Variants in THRB observed in about 807,000 individuals in gnomAD.
The protein encoded by THRB is nuclear receptor subfamily 1 group A member 2.
Under a neutral mutation model 47.8 loss-of-function variants are expected in THRB, and 12 were observed. The ratio of observed to expected loss-of-function variants is 0.25; its 90% confidence interval spans 0.16 to 0.41. The LOEUF (loss-of-function observed/expected upper bound fraction) is 0.41, where lower values mean the gene tolerates loss of function less well. Among genes scored for constraint, THRB ranks in the 10% least tolerant of loss-of-function variants. The probability of loss-of-function intolerance (pLI) is 1.00; values close to 1 mark genes in which losing one functional copy is unlikely to be tolerated. For missense variants in THRB, 348 were observed against 589.2 expected (o/e 0.59, Z 4.24); for synonymous variants, 218 against 212.2 (o/e 1.03, Z -0.24).
intron 1 of THRB, among the ~76,000 whole-genome samples, chr3:24,435,445 T>C (rs886425135): frequency 6.6e-5 from 10 of 152,080 alleles, no homozygotes; most frequent in African/African-American, 2.4e-4. Context: ...AATGTGGCAA[T>C]ATGGTCCGGT....
chr3:24,484,813 C>T (rs919627340), intron 1 of THRB, among the ~76,000 whole-genome samples: 2 of 152,146 alleles, frequency 1.3e-5, no homozygotes, highest in Non-Finnish European at 2.9e-5. Flanking sequence ...ATAATGTTTG[C>T]CAACCCCTGG....
chr3:24,445,764 G>C (rs2072013264), intron 1 of THRB, among the ~76,000 whole-genome samples: 1 of 151,986 alleles, frequency 6.6e-6, no homozygotes. Context: ...CTGTCCAATA[G>C]AAACAATTAA....
chr3:24,462,393 A>T (rs2073786832), intron 1 of THRB, among the ~76,000 whole-genome samples: 1 of 152,252 alleles, frequency 6.6e-6, no homozygotes, highest in South Asian at 2.1e-4. Context: ...CTATGAGAAG[A>T]AGATGAGTTT....
intron 2 of THRB, among the ~76,000 whole-genome samples, chr3:24,311,556 A>G (rs2057760685): frequency 1.3e-5 from 2 of 152,116 alleles, no homozygotes; most frequent in Admixed American, 1.3e-4. Context: ...ATCTTTCCCT[A>G]AGCCCCTTTT....
intron 1 of THRB, among the ~76,000 whole-genome samples, chr3:24,452,438 T>C (rs1353829043): frequency 6.6e-6 from 1 of 152,036 alleles, no homozygotes; most frequent in Non-Finnish European, 1.5e-5. Flanking sequence ...CTGGTGGAGA[T>C]GCTTACAGCA....
At chr3:24,409,632 T>C (rs1396780864) in intron 1 of THRB, among the ~76,000 whole-genome samples, 1 of 151,824 alleles carries the variant, frequency 6.6e-6, no homozygotes, top group East Asian at 2.0e-4. Context: ...TCCATGAAAG[T>C]GCTTAGCACA....
intron 4 of THRB, among the ~76,000 whole-genome samples, chr3:24,198,017 G>A (rs1432667747): frequency 2.6e-5 from 4 of 152,196 alleles, no homozygotes; most frequent in African/African-American, 9.7e-5. Context: ...CATCTGGGAT[G>A]GGGTGAGCTG....
At chr3:24,321,565 G>T (rs552580634) in intron 2 of THRB, among the ~76,000 whole-genome samples, 1 of 152,160 alleles carries the variant, frequency 6.6e-6, no homozygotes, top group East Asian at 1.9e-4. Context: ...CCTCAGGAGG[G>T]TCTAAGACGG....
At chr3:24,255,776 G>A (rs574183757) in intron 3 of THRB, among the ~76,000 whole-genome samples, 7 of 152,338 alleles carry the variant, frequency 4.6e-5, no homozygotes, top group African/African-American at 9.6e-5. Flanking sequence ...GAGACTGGCC[G>A]GGCAGGGCCT....
intron 1 of THRB, among the ~76,000 whole-genome samples, chr3:24,369,057 A>G (rs891118777): frequency 1.3e-5 from 2 of 152,074 alleles, no homozygotes; most frequent in South Asian, 2.1e-4. Context: ...TTTTGAGATG[A>G]GGTCTCACTA....
At chr3:24,268,198 G>C (rs1057408818) in intron 3 of THRB, among the ~76,000 whole-genome samples, 1 of 151,986 alleles carries the variant, frequency 6.6e-6, no homozygotes, top group Non-Finnish European at 1.5e-5. Context: ...ACCCCTCAGT[G>C]ATTCTTGAAA....
chr3:24,157,340 C>T (rs888618077), intron 5 of THRB, among the ~76,000 whole-genome samples: 10 of 151,612 alleles, frequency 6.6e-5, no homozygotes, highest in African/African-American at 2.2e-4. Context: ...CACTGGTGGG[C>T]GGAGGAGGGG....
intron 2 of THRB, among the ~76,000 whole-genome samples, chr3:24,308,077 G>T (rs2057484986): frequency 6.6e-6 from 1 of 152,008 alleles, no homozygotes; most frequent in Non-Finnish European, 1.5e-5. Flanking sequence ...AGGGATATTA[G>T]GTAGGACTAT....
intron 2 of THRB, among the ~76,000 whole-genome samples, chr3:24,310,794 A>G (rs1239177844): frequency 6.6e-6 from 1 of 152,174 alleles, no homozygotes; most frequent in East Asian, 1.9e-4. Flanking sequence ...TAAATACCCT[A>G]CAATGCACAG....
intron 4 of THRB, among the ~76,000 whole-genome samples, chr3:24,198,740 T>C (rs2044263248): frequency 6.6e-6 from 1 of 152,116 alleles, no homozygotes; most frequent in Admixed American, 6.6e-5. Flanking sequence ...ATGTTAGTGT[T>C]CCCAAAATGA....
intron 3 of THRB, among the ~76,000 whole-genome samples, chr3:24,279,130 C>T (rs1438592762): frequency 2.0e-5 from 3 of 152,314 alleles, no homozygotes; most frequent in African/African-American, 7.2e-5. Context: ...CAGGTATGAA[C>T]CTCTATGACT....
chr3:24,279,485 C>G (rs563091753), intron 3 of THRB, among the ~76,000 whole-genome samples: 30 of 151,990 alleles, frequency 2.0e-4, no homozygotes, highest in Non-Finnish European at 3.5e-4. Context: ...CCCGGGTTCA[C>G]GCCATTCTCC....
intron 6 of THRB, among the ~76,000 whole-genome samples, chr3:24,150,018 A>T (rs1275065534): frequency 6.6e-6 from 1 of 152,208 alleles, no homozygotes; most frequent in East Asian, 1.9e-4. Context: ...GATCAATGTG[A>T]AAAGGAGATA....
chr3:24,413,256 A>T (rs2068461816), intron 1 of THRB, among the ~76,000 whole-genome samples: 1 of 151,932 alleles, frequency 6.6e-6, no homozygotes, highest in South Asian at 2.1e-4. Context: ...ATTTGCAAAG[A>T]ATTTTAATAA....
Sources: gnomAD v4.1 joint callset for allele counts (sites outside exome capture counted in the v4.1 genomes callset) on GRCh38, gnomAD v4.1.1 for gene constraint, MANE v1.5 for transcripts, NCBI Gene and HGNC (gene_info 2026-07-23, HGNC 2026-07-21) for gene names.